TENM3: variants seen among roughly 807,000 people sequenced by gnomAD.
The protein encoded by TENM3 is teneurin transmembrane protein 3.
TENM3 carries 63 observed loss-of-function variants against 255.1 expected under a neutral mutation model. That is an observed-to-expected ratio of 0.25 (90% confidence interval 0.20 to 0.30). The LOEUF (loss-of-function observed/expected upper bound fraction) is 0.30, where lower values mean the gene tolerates loss of function less well. Among genes scored for constraint, TENM3 ranks in the 10% least tolerant of loss-of-function variants. TENM3 has a pLI of 1.00. For synonymous variants in TENM3, 1,306 were observed against 1,322.3 expected, an observed-to-expected ratio of 0.99 and a Z score of 0.27; for missense variants, 2,929 against 3,461.1, an observed-to-expected ratio of 0.85 and a Z score of 3.86.
chr4:182,507,266 C>T (rs1736932939), intron 3 of TENM3, among the ~76,000 whole-genome samples: 1 of 152,164 alleles, frequency 6.6e-6, no homozygotes, highest in South Asian at 2.1e-4. Flanking sequence ...ATCATTATGT[C>T]TAAAGATTGA....
intron 1 of TENM3, among the ~76,000 whole-genome samples, chr4:182,323,514 GA>G (rs1017586802): frequency 2.0e-5 from 3 of 150,466 alleles, no homozygotes; most frequent in African/African-American, 7.3e-5. Flanking sequence ...CATTGAAAAA[GA>G]AAAAAATAGT....
the TENM3 span, among the ~76,000 whole-genome samples, chr4:181,930,286 G>A: frequency 6.6e-6 from 1 of 151,992 alleles, no homozygotes; most frequent in Non-Finnish European, 1.5e-5. Flanking sequence ...TAATAAAGGG[G>A]AAAAGAGAGA....
intron 1 of TENM3, chr4:182,145,297 G>C (rs1224051653): frequency 6.6e-6 from 1 of 152,366 alleles, no homozygotes; most frequent in Non-Finnish European, 1.5e-5. Flanking sequence ...AGTGCGGGGC[G>C]AGGGGTAGCG....
chr4:181,961,003 T>C, the TENM3 span, among the ~76,000 whole-genome samples: 1 of 152,132 alleles, frequency 6.6e-6, no homozygotes, highest in African/African-American at 2.4e-5. Flanking sequence ...GGATGTCTGA[T>C]CTAGCCCAGG....
chr4:181,631,866 C>T, the TENM3 span, among the ~76,000 whole-genome samples: 23 of 152,170 alleles, frequency 1.5e-4, no homozygotes, highest in Non-Finnish European at 2.4e-4. Flanking sequence ...GTGGCATTCA[C>T]TGCTCTAGTG....
intron 2 of TENM3, among the ~76,000 whole-genome samples, chr4:182,330,313 A>T (rs1374023365): frequency 3.9e-5 from 6 of 152,202 alleles, no homozygotes; most frequent in African/African-American, 1.4e-4. Flanking sequence ...TGAAGAGGGG[A>T]CAGTCATGGG....
chr4:182,013,987 CGT>C, the TENM3 span, among the ~76,000 whole-genome samples: 5 of 106,946 alleles, frequency 4.7e-5, no homozygotes, highest in South Asian at 5.9e-4. Flanking sequence ...CGTGTATATA[CGT>C]ATATACACAT....
chr4:181,954,118 G>A, the TENM3 span, among the ~76,000 whole-genome samples: 1 of 152,072 alleles, frequency 6.6e-6, no homozygotes, highest in Non-Finnish European at 1.5e-5. Context: ...CCTTTTTATT[G>A]CTAAGTATTA....
chr4:181,919,447 C>G, the TENM3 span, among the ~76,000 whole-genome samples: 8 of 149,872 alleles, frequency 5.3e-5, no homozygotes, highest in Admixed American at 5.3e-4. Flanking sequence ...TGGAGGTTTT[C>G]GTTTGACCCT....
the TENM3 span, among the ~76,000 whole-genome samples, chr4:181,494,466 A>G: frequency 1.3e-5 from 2 of 151,910 alleles, no homozygotes; most frequent in Non-Finnish European, 2.9e-5. Flanking sequence ...TTGTATTTTT[A>G]ATAGAGATGG....
Position 182,800,037 on chromosome 4 carries a change from G to C in TENM3, c.7786G>C (p.Val2596Leu). ...VNGRTRRFAD[V>L]EMQFGALALH... ...CGGCAGGACGCGCAGGTTCGCGGAC[G>C]TGGAGATGCAGTTCGGCGCGCTGGC... Residue 2596 changes from valine to leucine, a missense_variant, in exon 28 of 28, where the codon GTG becomes CTG. Physicochemically the swap from Val to Leu is conservative, Grantham distance 32. This residue lies in a region of TENM3 where 476 missense variants were observed against 480.1 expected (regional missense o/e 0.99). Coordinates refer to ENST00000511685, the MANE Select transcript of TENM3 (RefSeq NM_001080477.4). 1 of 1,599,860 alleles carries C rather than the reference G, an allele frequency of 6.3e-7. No individual in the cohort carries two copies. The highest frequency in any genetic ancestry group is 1.1e-5 in the South Asian group (1 of 88,664).
intron 3 of TENM3, among the ~76,000 whole-genome samples, chr4:182,501,419 G>A (rs1411708460): frequency 6.6e-6 from 1 of 151,578 alleles, no homozygotes; most frequent in Non-Finnish European, 1.5e-5. Flanking sequence ...TGACATCTTA[G>A]GTATATTAAC....
At chr4:182,554,866 T>G (rs932254064) in intron 3 of TENM3, among the ~76,000 whole-genome samples, 2 of 151,808 alleles carry the variant, frequency 1.3e-5, no homozygotes, top group African/African-American at 4.8e-5. Context: ...TCTGTCCGTT[T>G]CCTTTTAAGC....
At chr4:181,905,489 G>A in the TENM3 span, among the ~76,000 whole-genome samples, 1 of 151,342 alleles carries the variant, frequency 6.6e-6, no homozygotes, top group Non-Finnish European at 1.5e-5. Context: ...ACATGATAAG[G>A]ATAGTAACAA....
At position 182,580,555 on chromosome 4, in the gene TENM3, C is replaced by A. The variant is rs141841429; in HGVS notation, c.512-20369C>A. Reference sequence around the variant, plus strand: ...CCATTTCACTGTGAGTGTAACTTCCCTTTTTGACAGCTCCATTAGATCTGC... The same window carrying A: ...CCATTTCACTGTGAGTGTAACTTCCATTTTTGACAGCTCCATTAGATCTGC... On this transcript the variant is annotated intron_variant, in intron 3 of 27. Coordinates refer to ENST00000511685, the MANE Select transcript of TENM3 (RefSeq NM_001080477.4). Among the ~76,000 whole-genome samples, 5 of 152,044 alleles carry A rather than the reference C, an allele frequency of 3.3e-5. No homozygotes were observed. The East Asian group carries it at 9.7e-4, about 29-fold the overall frequency.
At chr4:181,514,956 C>T in the TENM3 span, among the ~76,000 whole-genome samples, 1 of 152,264 alleles carries the variant, frequency 6.6e-6, no homozygotes, top group South Asian at 2.1e-4. Context: ...TGTCAGGTAA[C>T]TGACGCCAAA....
intron 1 of TENM3, among the ~76,000 whole-genome samples, chr4:182,171,057 A>C (rs927652505): frequency 1.3e-5 from 2 of 152,168 alleles, no homozygotes; most frequent in Non-Finnish European, 2.9e-5. Flanking sequence ...TTTATTAATA[A>C]ATTTGAAAAA....
chr4:181,747,701 G>T, the TENM3 span, among the ~76,000 whole-genome samples: 1 of 151,730 alleles, frequency 6.6e-6, no homozygotes, highest in East Asian at 1.9e-4. Context: ...CAGTCTTTAT[G>T]ACTTGTGAGT....
At chr4:181,826,651 T>C in the TENM3 span, among the ~76,000 whole-genome samples, 1 of 152,178 alleles carries the variant, frequency 6.6e-6, no homozygotes, top group African/African-American at 2.4e-5. Flanking sequence ...AACCAGCGTT[T>C]TGTTGATTAT....
Sources: allele counts gnomAD v4.1 joint callset (sites outside exome capture counted in the v4.1 genomes callset), GRCh38; gene constraint gnomAD v4.1.1; regional missense constraint gnomAD v4.1.1; transcripts MANE v1.5; gene names NCBI Gene and HGNC (gene_info 2026-07-23, HGNC 2026-07-21).